USP15: variants seen among roughly 807,000 people sequenced by gnomAD.
The protein encoded by USP15 is ubiquitin carboxyl-terminal hydrolase 15.
A neutral mutation model predicts 127.1 loss-of-function variants in USP15; 18 were observed. That is an observed-to-expected ratio of 0.14 (90% CI 0.10 to 0.21). The LOEUF (loss-of-function observed/expected upper bound fraction) is 0.21, where lower values mean the gene tolerates loss of function less well. Among genes scored for constraint, USP15 ranks in the 10% least tolerant of loss-of-function variants. The pLI, the probability that USP15 is intolerant of heterozygous loss-of-function variation, is 1.00. For missense variants in USP15, 805 were observed against 1,159.9 expected (o/e 0.69, Z 4.44); for synonymous variants, 364 against 393.7 (o/e 0.92, Z 0.89).
At chr12:62,334,493 C>A (rs942223091) in intron 6 of USP15, among the ~76,000 whole-genome samples, 1 of 151,926 alleles carries the variant, frequency 6.6e-6, no homozygotes, top group Non-Finnish European at 1.5e-5. Context: ...TACCTAACAC[C>A]CTACCTGGCA....
At chr12:62,262,596 T>C (rs975282505) in intron 1 of USP15, among the ~76,000 whole-genome samples, 42 of 150,512 alleles carry the variant, frequency 2.8e-4, no homozygotes, top group Non-Finnish European at 4.7e-4. Context: ...TTATGAAGTT[T>C]GGTATTTTCA....
At chr12:62,354,613 T>C (rs2066064110) in intron 7 of USP15, among the ~76,000 whole-genome samples, 1 of 151,962 alleles carries the variant, frequency 6.6e-6, no homozygotes, top group African/African-American at 2.4e-5. Flanking sequence ...TTTGTAACTT[T>C]TAGAATATTA....
At chr12:62,377,880 T>C (rs2066878832) in intron 8 of USP15, among the ~76,000 whole-genome samples, 1 of 152,178 alleles carries the variant, frequency 6.6e-6, no homozygotes, top group African/African-American at 2.4e-5. Context: ...GAACTTTTAA[T>C]ATTTTAACCG....
chr12:62,296,755 T>C (rs905195482), intron 2 of USP15, among the ~76,000 whole-genome samples: 1 of 152,154 alleles, frequency 6.6e-6, no homozygotes, highest in African/African-American at 2.4e-5. Context: ...AGAACAATTT[T>C]ATTTTGCCCA....
chr12:62,336,532 C>G (rs1318530090), intron 6 of USP15: 1 of 950,258 alleles, frequency 1.1e-6, no homozygotes, highest in Non-Finnish European at 1.3e-6. Context: ...CAAAGAACTT[C>G]TGTTATATGG....
intron 8 of USP15, among the ~76,000 whole-genome samples, chr12:62,357,338 A>G (rs553271884): frequency 1.1e-4 from 16 of 152,202 alleles, no homozygotes; most frequent in African/African-American, 3.6e-4. Context: ...TTAACCAGCT[A>G]GGTTAAGCTA....
At chr12:62,352,868 G>C in intron 7 of USP15, among the ~76,000 whole-genome samples, 1 of 151,998 alleles carries the variant, frequency 6.6e-6, no homozygotes, top group South Asian at 2.1e-4. Context: ...TTTTATTAAA[G>C]AAGGATATAA....
rs149166857 is a variant in USP15, at chr12:62,357,709, C to T, written c.915+2234C>T. The stretch of plus-strand genomic sequence containing the variant: ...AGAGAAAAATGAGTTTTTACTTGTG[C>T]GGCTTTAGCTTTTAGTTCACATCTG... On this transcript the variant is annotated intron_variant, in intron 8 of 21. Coordinates refer to ENST00000280377, the MANE Select transcript of USP15 (RefSeq NM_001252078.2). Among the ~76,000 whole-genome samples the T allele has an allele frequency of 1.4e-4, 21 of 152,142 alleles. 1 individual carries two copies. The highest frequency in any genetic ancestry group is 3.3e-4 in the Admixed American group (5 of 15,258).
chr12:62,357,317 A>G (rs1270916303), intron 8 of USP15, among the ~76,000 whole-genome samples: 1 of 152,068 alleles, frequency 6.6e-6, no homozygotes, highest in Non-Finnish European at 1.5e-5. Flanking sequence ...TAGGTATTCA[A>G]ATTGAATCTT....
chr12:62,389,734 G>GA lies in USP15; in HGVS notation c.1652+43dup, dbSNP rs201453172. On this transcript the variant is annotated intron_variant, in intron 13 of 21. Transcript: ENST00000280377. The stretch of plus-strand genomic sequence containing the variant: ...AAACTCATTGTGCAAAATATTACTT[G>GA]AAAAAAAATTAATAGAAGTAACATA... 1.2e-5 allele frequency: 19 copies of GA among 1,594,768 alleles called. No individual in the cohort carries two copies. The South Asian group carries it at 1.6e-4, about 13-fold the overall frequency.
At chr12:62,276,516 A>C (rs551354258) in intron 1 of USP15, among the ~76,000 whole-genome samples, 2 of 152,146 alleles carry the variant, frequency 1.3e-5, no homozygotes, top group Admixed American at 6.6e-5. Flanking sequence ...ATAAAGGGTA[A>C]TAATCTGTCC....
intron 7 of USP15, among the ~76,000 whole-genome samples, chr12:62,352,347 A>G (rs1405400987): frequency 2.0e-5 from 3 of 152,032 alleles, no homozygotes; most frequent in Admixed American, 6.6e-5. Flanking sequence ...AATTTTACCT[A>G]TTAGTCCCTT....
At position 62,409,327 on chromosome 12, in the gene USP15, G is replaced by A. The variant is rs1165701973; in HGVS notation, c.*4952G>A. 4 of 151,968 alleles carry A rather than the reference G, an allele frequency of 2.6e-5. No homozygotes were observed. The highest frequency in any genetic ancestry group is 9.7e-5 in the African/African-American group (4 of 41,398). The allele number at this position is 151,968 out of a possible 1,614,324, so 9.4% of individuals were successfully genotyped here. A position where few individuals can be genotyped will look rare whatever the true frequency, so the allele number is the denominator to read the frequency against. ...TAATATATTGGACTACAGTCTCAAA[G>A]GACAGAGAGAAAATCAGTCAAATGG... On this transcript the variant is annotated 3_prime_UTR_variant, in exon 22 of 22. Transcript: ENST00000280377.
chr12:62,314,443 C>T (rs1469040558), intron 3 of USP15, among the ~76,000 whole-genome samples: 1 of 151,804 alleles, frequency 6.6e-6, no homozygotes, highest in Non-Finnish European at 1.5e-5. Context: ...TATATATTTG[C>T]ACATAGTCAT....
At position 62,405,057 on chromosome 12, in the gene USP15, C is replaced by T. The variant is rs1373035348; in HGVS notation, c.*682C>T. 6.6e-6 allele frequency: 1 copy of T among 152,084 alleles called. No individual in the cohort carries two copies. Among genetic ancestry groups the T allele is most frequent in the Non-Finnish European group, 1.5e-5 (1 of 67,996 alleles). 9.4% of individuals were successfully genotyped at this position (152,084 alleles called of 1,614,324 possible). A position where few individuals can be genotyped will look rare whatever the true frequency, so the allele number is the denominator to read the frequency against. ...CTAGATTTCATACTCCATCTAAAGT[C>T]ATTTTTCAGTTACATGTAAGTATTA... On this transcript the variant is annotated 3_prime_UTR_variant, in exon 22 of 22. Coordinates refer to ENST00000280377, the MANE Select transcript of USP15 (RefSeq NM_001252078.2).
chr12:62,343,098 T>C (rs1260957197), intron 6 of USP15, among the ~76,000 whole-genome samples: 4 of 152,180 alleles, frequency 2.6e-5, no homozygotes, highest in Middle Eastern at 3.2e-3. Context: ...CTGCATTTTC[T>C]TCAGAGATGC....
In USP15 at chr12:62,406,198, T is replaced by C. The variant is rs537678301; in HGVS notation, c.*1823T>C. 6.6e-6 allele frequency: 1 copy of C among 152,242 alleles called. No homozygotes were observed. Among genetic ancestry groups the C allele is most frequent in the Admixed American group, 6.5e-5 (1 of 15,276 alleles). 9.4% of individuals were successfully genotyped at this position (152,242 alleles called of 1,614,324 possible). On this transcript the variant is annotated 3_prime_UTR_variant, in exon 22 of 22. Transcript: ENST00000280377. ...GGTTAGATGACTATATGCTAGACTTTTTAGTTATAAATAGTTAATACTAGA... is the reference window on the plus strand; with the variant it reads ...GGTTAGATGACTATATGCTAGACTTCTTAGTTATAAATAGTTAATACTAGA...
chr12:62,334,979 A>C (rs1429697403), intron 6 of USP15, among the ~76,000 whole-genome samples: 1 of 152,188 alleles, frequency 6.6e-6, no homozygotes, highest in African/African-American at 2.4e-5. Flanking sequence ...ATTTGTCAGG[A>C]GTAAGGCTGA....
At chr12:62,297,660 C>G (rs929343037) in intron 2 of USP15, among the ~76,000 whole-genome samples, 1 of 152,190 alleles carries the variant, frequency 6.6e-6, no homozygotes, top group African/African-American at 2.4e-5. Context: ...CTCAGAATCT[C>G]TAGCCAGGCT....
Sources: gnomAD v4.1 joint callset for allele counts (sites outside exome capture counted in the v4.1 genomes callset) on GRCh38, gnomAD v4.1.1 for gene constraint, MANE v1.5 for transcripts, NCBI Gene and HGNC (gene_info 2026-07-23, HGNC 2026-07-21) for gene names.